The following HOXC5 variants were observed in gnomAD, a reference collection of about 807,000 sequenced individuals.
The protein encoded by HOXC5 is homeobox C5.
A neutral mutation model predicts 20.1 loss-of-function variants in HOXC5; 19 were observed. The observed-to-expected ratio is 0.94, with a 90% CI of 0.66 to 1.38. The LOEUF is 1.38. Among genes scored for constraint, HOXC5 ranks in the 40% most tolerant of loss-of-function variants. HOXC5 has a pLI of 0.00. For missense variants in HOXC5, 330 were observed against 300.1 expected (o/e 1.10, Z -0.74); for synonymous variants, 124 against 117.0 (o/e 1.06, Z -0.39).
In HOXC5 at chr12:54,034,293, G is replaced by T. The variant is rs149168463; in HGVS notation, c.470G>T (p.Arg157Leu). The change falls in exon 2 of 2, where the codon CGG becomes CTG. Residue 157 changes from arginine (R) to leucine (L), a missense_variant. Physicochemically the swap from Arg to Leu is moderately radical, Grantham distance 102. Transcript: ENST00000312492. Reference protein sequence around the residue: ...LHMSHETDGKRSRTSYTRYQT... With the variant: ...LHMSHETDGKLSRTSYTRYQT... ...TATGTTCCAGAGACGGACGGCAAGC[G>T]GTCCCGAACCAGTTACACGCGCTAC... The T allele has an allele frequency of 4.3e-6, 7 of 1,613,766 alleles. No homozygotes were observed. The highest frequency in any genetic ancestry group is 4.2e-6 in the Non-Finnish European group (5 of 1,179,936).
upstream of HOXC5, chr12:54,029,692 G>A (rs1398433769): frequency 6.2e-7 from 1 of 1,614,060 alleles, no homozygotes. Flanking sequence ...GCGGCCGCCA[G>A]ATCTACTCGC....
chr12:54,033,077 C>A lies in HOXC5; in HGVS notation c.-46C>A. 2 of 1,504,556 alleles carry A rather than the reference C, an allele frequency of 1.3e-6. No individual in the cohort carries two copies. Among genetic ancestry groups the A allele is most frequent in the Non-Finnish European group, 1.8e-6 (2 of 1,093,288 alleles). The allele number at this position is 1,504,556 out of a possible 1,614,324, so 93.2% of individuals were successfully genotyped here. A position where few individuals can be genotyped will look rare whatever the true frequency, so the allele number is the denominator to read the frequency against. Reference sequence around the variant, plus strand: ...CTCAACTTCAAAGAGTCACAAATCACCCTTAATCAAAAAGGGTGCAGAAAT... The same window carrying A: ...CTCAACTTCAAAGAGTCACAAATCAACCTTAATCAAAAAGGGTGCAGAAAT... On this transcript the variant is annotated 5_prime_UTR_variant, in exon 1 of 2. Coordinates refer to ENST00000312492, the MANE Select transcript of HOXC5 (RefSeq NM_018953.4).
chr12:54,024,194 CA>C, the HOXC5 span, among the ~76,000 whole-genome samples: 1 of 151,966 alleles, frequency 6.6e-6, no homozygotes, highest in Non-Finnish European at 1.5e-5. Context: ...CAAAAGGGGC[CA>C]GCGGGGCAAC....
upstream of HOXC5, among the ~76,000 whole-genome samples, chr12:54,031,071 T>TA (rs1293516320): frequency 6.6e-6 from 1 of 152,208 alleles, no homozygotes; most frequent in Non-Finnish European, 1.5e-5. Flanking sequence ...CGCGTAGGAT[T>TA]TTGTTGCGGG....
chr12:54,033,939 G>A (rs990311033), intron 1 of HOXC5: 1 of 422,488 alleles, frequency 2.4e-6, no homozygotes, highest in Admixed American at 3.3e-5. Flanking sequence ...GGCTCCGGAG[G>A]ATTCCAGCGA....
At chr12:54,026,765 C>T in the HOXC5 span, among the ~76,000 whole-genome samples, 1 of 152,290 alleles carries the variant, frequency 6.6e-6, no homozygotes, top group East Asian at 1.9e-4. Context: ...TTTTTCCCCC[C>T]TAGCGACACT....
chr12:54,027,942 T>C, the HOXC5 span, among the ~76,000 whole-genome samples: 1 of 152,166 alleles, frequency 6.6e-6, no homozygotes, highest in Non-Finnish European at 1.5e-5. Flanking sequence ...ACTAGTTTAG[T>C]GATGGGACTC....
At position 54,034,329 on chromosome 12, in the gene HOXC5, A is replaced by G. The variant is rs766775163; in HGVS notation, c.506A>G (p.Glu169Gly). 6.2e-6 allele frequency: 10 copies of G among 1,614,152 alleles called. No homozygotes were observed. Among genetic ancestry groups the G allele is most frequent in the Non-Finnish European group, 8.5e-6 (10 of 1,180,030 alleles). ...RTSYTRYQTLELEKEFHFNRY... is the reference protein window; with the variant it reads ...RTSYTRYQTLGLEKEFHFNRY... ...AGTTACACGCGCTACCAGACTCTGG[A>G]ACTCGAGAAAGAATTCCACTTTAAC... is the stretch of plus-strand genomic sequence containing the variant. The change falls in exon 2 of 2, where the codon GAA becomes GGA. Residue 169 changes from glutamate (E) to glycine (G), a missense_variant. Glu to Gly is a moderately conservative substitution (Grantham distance 98). Transcript: ENST00000312492.
At chr12:54,025,880 TGCTGGGG>T in the HOXC5 span, among the ~76,000 whole-genome samples, 67 of 152,238 alleles carry the variant, frequency 4.4e-4, no homozygotes, top group South Asian at 0.011. Context: ...TAGGCATCCT[TGCTGGGG>T]GCTGTAGTCC....
upstream of HOXC5, chr12:54,029,060 C>T (rs1329940910): frequency 1.2e-6 from 1 of 818,868 alleles, no homozygotes; most frequent in Non-Finnish European, 1.9e-6. Context: ...AGACAGGGCC[C>T]CCTCTTCTGC....
the HOXC5 span, chr12:54,021,931 C>T: frequency 1.3e-5 from 2 of 152,374 alleles, no homozygotes; most frequent in Non-Finnish European, 2.9e-5. Flanking sequence ...CCCCTCCTGC[C>T]CTCACAAGCT....
chr12:54,034,271 G>A lies in HOXC5; in HGVS notation c.455-7G>A, dbSNP rs1316661860. ...CTTCCTGGCTTGGGGTGGGGTTTAT[G>A]TTCCAGAGACGGACGGCAAGCGGTC... is the stretch of plus-strand genomic sequence containing the variant. On this transcript the variant is annotated splice_region_variant and splice_polypyrimidine_tract_variant and intron_variant, in intron 1 of 1. Coordinates refer to ENST00000312492, the MANE Select transcript of HOXC5 (RefSeq NM_018953.4). 2 of 1,612,360 alleles carry A rather than the reference G, an allele frequency of 1.2e-6. No homozygotes were observed. Among genetic ancestry groups the A allele is most frequent in the Non-Finnish European group, 1.7e-6 (2 of 1,179,608 alleles).
chr12:54,032,980 G>C (rs1941043733), upstream of HOXC5: 1 of 682,456 alleles, frequency 1.5e-6, no homozygotes, highest in Non-Finnish European at 2.4e-6. Flanking sequence ...TCCCTTATTT[G>C]GGAAGAGCGC....
chr12:54,028,433 C>G (rs553927426), upstream of HOXC5: 26 of 1,395,314 alleles, frequency 1.9e-5, no homozygotes, highest in East Asian at 4.6e-5. Context: ...GGATTGGAGC[C>G]GTCCCTATAA....
upstream of HOXC5, chr12:54,028,505 C>T (rs752847213): frequency 6.2e-7 from 1 of 1,608,856 alleles, no homozygotes; most frequent in Non-Finnish European, 8.5e-7. Context: ...ATAGACCGAC[C>T]AGGTAAAGGC....
upstream of HOXC5, chr12:54,030,776 G>C (rs1397545992): frequency 6.6e-6 from 1 of 152,422 alleles, no homozygotes; most frequent in Non-Finnish European, 1.5e-5. Context: ...CAACCTCTGG[G>C]TCCGTTCTCG....
Position 54,033,263 on chromosome 12 carries a change from C to T in HOXC5, c.141C>T (p.Ile47=). 6.2e-7 allele frequency: 1 copy of T among 1,614,190 alleles called. No homozygotes were observed. Among genetic ancestry groups the T allele is most frequent in the South Asian group, 1.1e-5 (1 of 91,080 alleles). The part of the protein sequence containing the change: ...RYCYGGLDLS[I]TFPPPAPSNS... ...GCTACGGCGGATTGGACTTAAGCAT[C>T]ACTTTCCCACCGCCTGCGCCTTCCA... Residue 47 remains isoleucine (I), a synonymous_variant, in exon 1 of 2, where the codon ATC becomes ATT. Transcript: ENST00000312492.
At chr12:54,028,295 T>G (rs1000137595), upstream of HOXC5, 23 of 380,442 alleles carry the variant, frequency 6.0e-5, 1 homozygote, top group Non-Finnish European at 5.7e-5. Context: ...AAGTCTTACT[T>G]TCAAAGCACA....
chr12:54,028,239 T>C (rs1236727215), upstream of HOXC5: 5 of 148,938 alleles, frequency 3.4e-5, no homozygotes, highest in Non-Finnish European at 5.4e-5. Context: ...CCAAACCAGT[T>C]CCCTTACATA....
Sources: allele counts gnomAD v4.1 joint callset (sites outside exome capture counted in the v4.1 genomes callset), GRCh38; gene constraint gnomAD v4.1.1; transcripts MANE v1.5; gene names NCBI Gene and HGNC (gene_info 2026-07-23, HGNC 2026-07-21).